The following THSD7B variants were observed in gnomAD, a reference collection of about 807,000 sequenced individuals.
The protein encoded by THSD7B is thrombospondin type 1 domain containing 7B.
THSD7B carries 138 observed loss-of-function variants against 213.6 expected under a neutral mutation model. That is an observed-to-expected ratio of 0.65 (90% CI 0.56 to 0.74). THSD7B has a LOEUF of 0.74. Ranked by LOEUF, THSD7B falls within the 30% of genes least tolerant of loss-of-function variation. The pLI is 0.00. For missense variants in THSD7B, 1,931 were observed against 1,991.5 expected (o/e 0.97, Z 0.58); for synonymous variants, 742 against 687.0 (o/e 1.08, Z -1.25).
chr2:137,671,532 A>G (rs1159999648), intron 27 of THSD7B, among the ~76,000 whole-genome samples: 1 of 152,150 alleles, frequency 6.6e-6, no homozygotes, highest in Non-Finnish European at 1.5e-5. Context: ...CCCAAGGCAA[A>G]GGAGAAACAG....
chr2:137,637,699 T>A (rs1227680114), intron 20 of THSD7B, among the ~76,000 whole-genome samples: 1 of 152,342 alleles, frequency 6.6e-6, no homozygotes, highest in Non-Finnish European at 1.5e-5. Context: ...TCTCTACCTT[T>A]ATGTCCAGCA....
At chr2:137,553,623 G>A (rs1425933822) in intron 15 of THSD7B, among the ~76,000 whole-genome samples, 4 of 152,102 alleles carry the variant, frequency 2.6e-5, no homozygotes, top group Admixed American at 2.0e-4. Flanking sequence ...TCTCTCAGAG[G>A]ATTTGGACTT....
chr2:137,646,451 G>A (rs1187983657), intron 21 of THSD7B, among the ~76,000 whole-genome samples: 2 of 117,854 alleles, frequency 1.7e-5, no homozygotes, highest in Non-Finnish European at 3.4e-5. Flanking sequence ...AGACCAGCCT[G>A]AACAACATGA....
chr2:137,493,227 C>A (rs1383706667), intron 15 of THSD7B, among the ~76,000 whole-genome samples: 1 of 150,850 alleles, frequency 6.6e-6, no homozygotes, highest in Non-Finnish European at 1.5e-5. Flanking sequence ...CCATAGTATT[C>A]CTTGAATCTT....
intron 7 of THSD7B, among the ~76,000 whole-genome samples, chr2:137,204,783 T>C (rs531871770): frequency 6.6e-6 from 1 of 151,890 alleles, no homozygotes; most frequent in Admixed American, 6.6e-5. Context: ...TGATTTGCAG[T>C]ATGTGTCATT....
Position 137,247,938 on chromosome 2 carries a change from G to A in THSD7B, c.2266+5366G>A, listed in dbSNP as rs557554938. Among the ~76,000 whole-genome samples, 277 of 152,200 alleles carry A rather than the reference G, an allele frequency of 1.8e-3. No homozygotes were observed. The Middle Eastern group carries it at 0.024, about 13-fold the overall frequency. Reference sequence around the variant, plus strand: ...ATATTACCAGCTACTTCAAAGAGCTGTTATAAGGAGGACAGATGGAACAGT... The same window carrying A: ...ATATTACCAGCTACTTCAAAGAGCTATTATAAGGAGGACAGATGGAACAGT... On this transcript the variant is annotated intron_variant, in intron 10 of 27. Transcript: ENST00000409968.
At chr2:137,608,255 A>G (rs1157889593) in intron 17 of THSD7B, among the ~76,000 whole-genome samples, 2 of 152,088 alleles carry the variant, frequency 1.3e-5, no homozygotes, top group African/African-American at 4.8e-5. Context: ...CTTATAAGCT[A>G]TAGTTCCTTG....
At chr2:137,086,993 A>G (rs1687853607) in intron 3 of THSD7B, among the ~76,000 whole-genome samples, 2 of 152,194 alleles carry the variant, frequency 1.3e-5, no homozygotes, top group South Asian at 2.1e-4. Flanking sequence ...GAGCACAACC[A>G]AAGGTCCCAC....
chr2:137,306,278 G>A lies in THSD7B; in HGVS notation c.2500+30252G>A, dbSNP rs567512135. 1.1e-3 allele frequency among the ~76,000 whole-genome samples: 167 copies of A among 152,162 alleles called. 1 individual carries two copies. The highest frequency in any genetic ancestry group is 3.8e-3 in the African/African-American group (157 of 41,532). On this transcript the variant is annotated intron_variant, in intron 12 of 27. Transcript: ENST00000409968. ...TTATGGGACCACCATTGTCTTTGTG[G>A]CCAGTCATTAATGGACCAAAAAGTC... is the stretch of plus-strand genomic sequence containing the variant.
intron 2 of THSD7B, among the ~76,000 whole-genome samples, chr2:136,994,441 C>A (rs1237381906): frequency 6.6e-6 from 1 of 152,096 alleles, no homozygotes; most frequent in Non-Finnish European, 1.5e-5. Context: ...GTGGCGGGCG[C>A]CTTTAGTCCC....
At chr2:137,557,876 G>T (rs186882785) in intron 15 of THSD7B, among the ~76,000 whole-genome samples, 1 of 150,484 alleles carries the variant, frequency 6.6e-6, no homozygotes, top group Admixed American at 6.6e-5. Flanking sequence ...AAAATGATAA[G>T]GGATATCACC....
intron 13 of THSD7B, among the ~76,000 whole-genome samples, chr2:137,408,387 A>AT (rs113209192): frequency 7.7e-4 from 115 of 149,658 alleles, no homozygotes; most frequent in African/African-American, 2.6e-3. Context: ...TTCAATGAAT[A>AT]TTTTTTTGTT....
At chr2:136,922,156 A>G (rs528258915) in intron 2 of THSD7B, among the ~76,000 whole-genome samples, 12 of 152,338 alleles carry the variant, frequency 7.9e-5, no homozygotes, top group Admixed American at 3.3e-4. Flanking sequence ...GCCTAGCATC[A>G]GCTTTAACTG....
chr2:137,447,716 A>C (rs924792287), intron 14 of THSD7B, among the ~76,000 whole-genome samples: 9 of 151,824 alleles, frequency 5.9e-5, no homozygotes, highest in African/African-American at 1.7e-4. Context: ...GTCAATGACT[A>C]GTATTAGGGG....
chr2:137,664,917 GA>G (rs1683419322), intron 26 of THSD7B, among the ~76,000 whole-genome samples: 1 of 152,284 alleles, frequency 6.6e-6, no homozygotes, highest in Admixed American at 6.5e-5. Flanking sequence ...TATACCCTAG[GA>G]ACTCTCCTTC....
intron 15 of THSD7B, among the ~76,000 whole-genome samples, chr2:137,559,670 T>C (rs1048786763): frequency 6.6e-6 from 1 of 152,164 alleles, no homozygotes; most frequent in Non-Finnish European, 1.5e-5. Flanking sequence ...ACTTCATGTC[T>C]AAAATACCAA....
intron 1 of THSD7B, among the ~76,000 whole-genome samples, chr2:136,801,486 C>G (rs941596759): frequency 6.6e-6 from 1 of 152,054 alleles, no homozygotes; most frequent in Non-Finnish European, 1.5e-5. Context: ...GGCTAGGCTG[C>G]TTTATCCCAA....
At chr2:137,296,377 T>A (rs1452346721) in intron 12 of THSD7B, among the ~76,000 whole-genome samples, 1 of 152,114 alleles carries the variant, frequency 6.6e-6, no homozygotes, top group Non-Finnish European at 1.5e-5. Context: ...ATTTGCTACC[T>A]AAACAAACAC....
chr2:137,367,865 G>A (rs1197705210), intron 12 of THSD7B, among the ~76,000 whole-genome samples: 2 of 152,078 alleles, frequency 1.3e-5, no homozygotes, highest in East Asian at 1.9e-4. Flanking sequence ...CCATCATGAC[G>A]TTCCCACCCT....
Sources: gnomAD v4.1 joint callset for allele counts (sites outside exome capture counted in the v4.1 genomes callset) on GRCh38, gnomAD v4.1.1 for gene constraint, MANE v1.5 for transcripts, NCBI Gene and HGNC (gene_info 2026-07-23, HGNC 2026-07-21) for gene names.